KCNMB2: variants seen among roughly 807,000 people sequenced by gnomAD.
KCNMB2 encodes calcium-activated potassium channel subunit beta-2.
In KCNMB2, 9 loss-of-function variants were observed where a neutral mutation model predicts 24.5. The observed-to-expected ratio is 0.37, with a 90% CI of 0.22 to 0.64. KCNMB2 has a LOEUF of 0.64. KCNMB2 is among the 30% of genes least tolerant of loss of function. The pLI is 0.63. For missense variants in KCNMB2, 226 were observed against 284.3 expected, an observed-to-expected ratio of 0.79 and a Z score of 1.47; for synonymous variants, 109 against 104.4, an observed-to-expected ratio of 1.04 and a Z score of -0.27.
At chr3:178,793,648 G>A (rs980467216) in intron 1 of KCNMB2, among the ~76,000 whole-genome samples, 4 of 152,122 alleles carry the variant, frequency 2.6e-5, no homozygotes, top group African/African-American at 4.8e-5. Flanking sequence ...CTACAGCCAA[G>A]AAGAAAGAGA....
chr3:178,571,505 A>T (rs1252923419), intron 1 of KCNMB2, among the ~76,000 whole-genome samples: 3 of 120,578 alleles, frequency 2.5e-5, no homozygotes, highest in Non-Finnish European at 5.3e-5. Context: ...TGTTTCACTT[A>T]TTTATGTATT....
chr3:178,751,530 T>TG (rs1178449769), intron 1 of KCNMB2, among the ~76,000 whole-genome samples: 1 of 121,776 alleles, frequency 8.2e-6, no homozygotes, highest in Admixed American at 1.1e-4. Context: ...GCCGAGATCA[T>TG]GCCATTGCAC....
chr3:178,549,762 GGTCCA>G (rs1386181370), intron 1 of KCNMB2, among the ~76,000 whole-genome samples: 3 of 152,010 alleles, frequency 2.0e-5, no homozygotes, highest in East Asian at 3.9e-4. Flanking sequence ...TCTTGTTTAC[GGTCCA>G]TCTGAGCATC....
chr3:178,811,326 C>A (rs1267131541), intron 2 of KCNMB2, among the ~76,000 whole-genome samples: 1 of 152,094 alleles, frequency 6.6e-6, no homozygotes, highest in African/African-American at 2.4e-5. Flanking sequence ...TATTCTACTC[C>A]CCATCAATCA....
chr3:178,668,173 G>A (rs1395519551), intron 1 of KCNMB2, among the ~76,000 whole-genome samples: 1 of 152,226 alleles, frequency 6.6e-6, no homozygotes, highest in Non-Finnish European at 1.5e-5. Flanking sequence ...CAAGCCCTCT[G>A]CTAGTCCTTT....
At chr3:178,770,950 G>C (rs1712325784) in intron 1 of KCNMB2, among the ~76,000 whole-genome samples, 1 of 152,182 alleles carries the variant, frequency 6.6e-6, no homozygotes, top group Non-Finnish European at 1.5e-5. Context: ...TAAATGAATA[G>C]AGATGCCTGG....
intron 1 of KCNMB2, among the ~76,000 whole-genome samples, chr3:178,601,011 G>T (rs1718063166): frequency 6.6e-6 from 1 of 152,068 alleles, no homozygotes; most frequent in African/African-American, 2.4e-5. Context: ...ATACTATGCA[G>T]CCATATAAAA....
At chr3:178,726,500 C>T (rs1722971503) in intron 1 of KCNMB2, among the ~76,000 whole-genome samples, 1 of 151,830 alleles carries the variant, frequency 6.6e-6, no homozygotes, top group African/African-American at 2.4e-5. Flanking sequence ...TTTGACTTGA[C>T]TTGAAAGTGT....
At chr3:178,666,664 CA>C (rs1214803354) in intron 1 of KCNMB2, among the ~76,000 whole-genome samples, 1 of 152,054 alleles carries the variant, frequency 6.6e-6, no homozygotes, top group Non-Finnish European at 1.5e-5. Context: ...CATTTAATTC[CA>C]AAAAGATCTG....
At chr3:178,703,304 T>C (rs1383309610) in intron 1 of KCNMB2, among the ~76,000 whole-genome samples, 1 of 152,186 alleles carries the variant, frequency 6.6e-6, no homozygotes, top group African/African-American at 2.4e-5. Flanking sequence ...AGAACTGGAA[T>C]GTTTTTGGAG....
chr3:178,617,880 G>C (rs917561398), intron 1 of KCNMB2, among the ~76,000 whole-genome samples: 6 of 107,698 alleles, frequency 5.6e-5, no homozygotes, highest in Admixed American at 2.4e-4. Flanking sequence ...GACAGAGCAA[G>C]ACTCTGTCTA....
chr3:178,599,579 C>A (rs181171794), intron 1 of KCNMB2, among the ~76,000 whole-genome samples: 3 of 152,116 alleles, frequency 2.0e-5, no homozygotes, highest in African/African-American at 7.2e-5. Context: ...TTACCTTGTG[C>A]ATTTACTTTC....
intron 1 of KCNMB2, among the ~76,000 whole-genome samples, chr3:178,725,598 G>T (rs13080577): frequency 0.12 from 17,722 of 151,930 alleles, 1,107 homozygotes; most frequent in Non-Finnish European, 0.14. Flanking sequence ...TTCTACTGTG[G>T]TCAGAGATCA....
chr3:178,740,147 C>G (rs940149371), intron 1 of KCNMB2, among the ~76,000 whole-genome samples: 6 of 150,250 alleles, frequency 4.0e-5, no homozygotes, highest in South Asian at 2.1e-4. Flanking sequence ...CAGACAGAGT[C>G]TTGCTCTGTC....
intron 1 of KCNMB2, among the ~76,000 whole-genome samples, chr3:178,686,304 G>A (rs1026056235): frequency 3.9e-5 from 6 of 152,144 alleles, no homozygotes; most frequent in African/African-American, 1.2e-4. Flanking sequence ...GGATAAACCT[G>A]TGCATTTTCC....
intron 2 of KCNMB2, among the ~76,000 whole-genome samples, chr3:178,815,094 A>AT (rs371447513): frequency 6.6e-6 from 1 of 152,168 alleles, no homozygotes; most frequent in East Asian, 1.9e-4. Flanking sequence ...TGACTATTGC[A>AT]TATCACTTTG....
chr3:178,731,947 G>A (rs1405227760), intron 1 of KCNMB2, among the ~76,000 whole-genome samples: 2 of 152,044 alleles, frequency 1.3e-5, no homozygotes, highest in African/African-American at 4.8e-5. Flanking sequence ...ATCTAACTAC[G>A]AATATACAGG....
rs188665620 is a variant in KCNMB2, at chr3:178,767,480, T to A, written c.-67-39863T>A. Among the ~76,000 whole-genome samples, 460 of 152,320 alleles carry A rather than the reference T, an allele frequency of 3.0e-3. 3 individuals are homozygous for A. Among genetic ancestry groups the A allele is most frequent in the African/African-American group, 0.011 (440 of 41,566 alleles). On this transcript the variant is annotated intron_variant, in intron 1 of 4. Transcript: ENST00000452583. The stretch of plus-strand genomic sequence containing the variant: ...GAAATAGATTTCAACTTTATGATAT[T>A]ACTTCACATTTAAAAAATCAACCAA...
intron 1 of KCNMB2, among the ~76,000 whole-genome samples, chr3:178,729,914 G>A (rs910437278): frequency 6.6e-6 from 1 of 152,104 alleles, no homozygotes; most frequent in African/African-American, 2.4e-5. Context: ...TCCTCACTCA[G>A]GCTACATGCC....
Sources: allele counts gnomAD v4.1 joint callset (sites outside exome capture counted in the v4.1 genomes callset), GRCh38; gene constraint gnomAD v4.1.1; transcripts MANE v1.5; gene names NCBI Gene and HGNC (gene_info 2026-07-23, HGNC 2026-07-21).